Variants in ITPRIPL2 observed in about 807,000 individuals in gnomAD.
The protein encoded by ITPRIPL2 is ITPRIP like 2.
Under a neutral mutation model 31.7 loss-of-function variants are expected in ITPRIPL2, and 29 were observed. The observed-to-expected ratio is 0.91, with a 90% CI of 0.68 to 1.25. ITPRIPL2 has a LOEUF of 1.25. Ranked by LOEUF, ITPRIPL2 falls within the 50% of genes most tolerant of loss-of-function variation. The probability of loss-of-function intolerance (pLI) is 0.00; values close to 1 mark genes in which losing one functional copy is unlikely to be tolerated. For synonymous variants in ITPRIPL2, 344 were observed against 343.4 expected (o/e 1.00, Z -0.02); for missense variants, 696 against 739.1 (o/e 0.94, Z 0.68).
Position 19,114,422 on chromosome 16 carries a change from C to A in ITPRIPL2, c.-40C>A, listed in dbSNP as rs1172559366. 7 of 1,379,200 alleles carry A rather than the reference C, an allele frequency of 5.1e-6. No homozygotes were observed. The African/African-American group carries it at 9.1e-5, about 18-fold the overall frequency. The allele number at this position is 1,379,200 out of a possible 1,614,324, so 85.4% of individuals were successfully genotyped here. A position where few individuals can be genotyped will look rare whatever the true frequency, so the allele number is the denominator to read the frequency against. ...GGCTTGGGTCGCCGCCGGGGCTTGCCCCCTGGGCTGCTCGGCCACCGCCGC... is the reference window on the plus strand; with the variant it reads ...GGCTTGGGTCGCCGCCGGGGCTTGCACCCTGGGCTGCTCGGCCACCGCCGC... On this transcript the variant is annotated 5_prime_UTR_variant, in exon 1 of 1. Transcript: ENST00000381440.
At position 19,114,743 on chromosome 16, in the gene ITPRIPL2, G is replaced by A. The variant is rs771353508; in HGVS notation, c.282G>A (p.Glu94=). 1 of 1,612,782 alleles carries A rather than the reference G, an allele frequency of 6.2e-7. No individual in the cohort carries two copies. Among genetic ancestry groups the A allele is most frequent in the Non-Finnish European group, 8.5e-7 (1 of 1,179,900 alleles). ...CCTTCTCCTCGAGACACTTCCGAGA[G>A]CCGGGCCTCAGCATCCTGCTGGAGA... ...HAAFSSRHFR[E]PGLSILLESY... is the part of the protein sequence containing the mutation. Residue 94 remains glutamate, a synonymous_variant, in exon 1 of 1, where the codon GAG becomes GAA. Transcript: ENST00000381440.
At position 19,120,974 on chromosome 16, in the gene ITPRIPL2, A is replaced by G. The variant is rs1372267001; in HGVS notation, c.*4905A>G. ...GGAAGATGATTCAGTGGTGGGGAAA[A>G]TGAACCTCGGTAACATTTCCAATGT... On this transcript the variant is annotated 3_prime_UTR_variant, in exon 1 of 1. Coordinates refer to ENST00000381440, the MANE Select transcript of ITPRIPL2 (RefSeq NM_001034841.4). 4 of 166,886 alleles carry G rather than the reference A, an allele frequency of 2.4e-5. No individual in the cohort carries two copies. The highest frequency in any genetic ancestry group is 1.3e-4 in the Admixed American group (2 of 15,258). 10.3% of individuals were successfully genotyped at this position (166,886 alleles called of 1,614,324 possible).
rs1248708235 is a variant in ITPRIPL2 at position 19,120,625 on chromosome 16, A to ATATATTTTT, written c.*4557_*4558insATATTTTTT. On this transcript the variant is annotated 3_prime_UTR_variant, in exon 1 of 1. Transcript: ENST00000381440. ...CTAATATATATATATATATATATAT[A>ATATATTTTT]TTTTTTTTTTTTTTTTTTAGTAGAG... The ATATATTTTT allele has an allele frequency of 1.1e-5, 1 of 92,190 alleles. No homozygotes were observed. Among genetic ancestry groups the ATATATTTTT allele is most frequent in the African/African-American group, 5.0e-5 (1 of 20,008 alleles). The allele number at this position is 92,190 out of a possible 1,614,324, so 5.7% of individuals were successfully genotyped here. A position where few individuals can be genotyped will look rare whatever the true frequency, so the allele number is the denominator to read the frequency against.
rs146617530 is a variant in ITPRIPL2 at position 19,115,291 on chromosome 16, C to A, written c.830C>A (p.Thr277Asn). The change falls in exon 1 of 1, where the codon ACC becomes AAC. Residue 277 changes from threonine (T) to asparagine (N), a missense_variant. Coordinates refer to ENST00000381440, the MANE Select transcript of ITPRIPL2 (RefSeq NM_001034841.4). ...RYSLEGRCRV[T>N]LTPGGLEQPP... ...AGCCTGGAGGGGCGCTGTCGGGTCA[C>A]CTTGACCCCAGGTGGCCTGGAACAG... is the stretch of plus-strand genomic sequence containing the variant. 7 of 1,613,034 alleles carry A rather than the reference C, an allele frequency of 4.3e-6. No homozygotes were observed. The highest frequency in any genetic ancestry group is 5.9e-6 in the Non-Finnish European group (7 of 1,180,032).
rs1054112292 is a variant in ITPRIPL2, at chr16:19,120,214, T to C, written c.*4145T>C. The C allele has an allele frequency of 6.2e-6, 1 of 160,464 alleles. No individual in the cohort carries two copies. The highest frequency in any genetic ancestry group is 2.4e-5 in the African/African-American group (1 of 41,304). 9.9% of individuals were successfully genotyped at this position (160,464 alleles called of 1,614,324 possible). A position where few individuals can be genotyped will look rare whatever the true frequency, so the allele number is the denominator to read the frequency against. ...CTCCTGCCTCGGCCTCCCAACTAGCTGGGACCACAGGTATGTGCCACTACA... is the reference window on the plus strand; with the variant it reads ...CTCCTGCCTCGGCCTCCCAACTAGCCGGGACCACAGGTATGTGCCACTACA... On this transcript the variant is annotated 3_prime_UTR_variant, in exon 1 of 1. Coordinates refer to ENST00000381440, the MANE Select transcript of ITPRIPL2 (RefSeq NM_001034841.4).
rs776532432 is a variant in ITPRIPL2 at position 19,115,956 on chromosome 16, A to G, written c.1495A>G (p.Thr499Ala). Residue 499 changes from threonine to alanine, a missense_variant, in exon 1 of 1, where the codon ACG becomes GCG. Coordinates refer to ENST00000381440, the MANE Select transcript of ITPRIPL2 (RefSeq NM_001034841.4). ...ACTTGCAGCAGCGCGGTTGCTGTCC[A>G]CGTGGCAAAGGCTGCCCCAGCTTCT... ...RELAAARLLS[T>A]WQRLPQLLRA... The G allele has an allele frequency of 6.2e-7, 1 of 1,612,984 alleles. No homozygotes were observed. Among genetic ancestry groups the G allele is most frequent in the Non-Finnish European group, 8.5e-7 (1 of 1,179,866 alleles).
chr16:19,114,724 C>T lies in ITPRIPL2; in HGVS notation c.263C>T (p.Ser88Phe). 1 of 1,590,912 alleles carries T rather than the reference C, an allele frequency of 6.3e-7. No individual in the cohort carries two copies. Among genetic ancestry groups the T allele is most frequent in the African/African-American group, 1.3e-5 (1 of 74,932 alleles). ...CGTCTGGAGGGTCACGCCGCCTTCT[C>T]CTCGAGACACTTCCGAGAGCCGGGC... Reference protein sequence around the residue: ...SPRLEGHAAFSSRHFREPGLS... With the variant: ...SPRLEGHAAFFSRHFREPGLS... Residue 88 changes from serine (S) to phenylalanine (F), a missense_variant, in exon 1 of 1, where the codon TCC becomes TTC. By Grantham distance (155) the Ser-to-Phe change is radical. Coordinates refer to ENST00000381440, the MANE Select transcript of ITPRIPL2 (RefSeq NM_001034841.4).
chr16:19,117,685 GA>G lies in ITPRIPL2; in HGVS notation c.*1618del, dbSNP rs140657029. ...GAAGACAGAAATGCCTATGTGAATA[GA>G]ATCATTGTTGAAGTTCTGAGCTCTT... On this transcript the variant is annotated 3_prime_UTR_variant, in exon 1 of 1. Transcript: ENST00000381440. The G allele has an allele frequency of 5.0e-3, 831 of 167,152 alleles. 4 individuals are homozygous for G. The highest frequency in any genetic ancestry group is 5.1e-3 in the Non-Finnish European group (350 of 68,090). 10.4% of individuals were successfully genotyped at this position (167,152 alleles called of 1,614,324 possible).
At position 19,119,025 on chromosome 16, in the gene ITPRIPL2, T is replaced by A. The variant is rs1436531648; in HGVS notation, c.*2956T>A. On this transcript the variant is annotated 3_prime_UTR_variant, in exon 1 of 1. Coordinates refer to ENST00000381440, the MANE Select transcript of ITPRIPL2 (RefSeq NM_001034841.4). ...ACAACAGCAAAAAGAAAAAATTAGT[T>A]GTCCAGCCAGTGCTGGAGGAAAATG... The A allele has an allele frequency of 2.4e-6, 1 of 413,384 alleles. No homozygotes were observed. Among genetic ancestry groups the A allele is most frequent in the Non-Finnish European group, 4.4e-6 (1 of 226,152 alleles). The allele number at this position is 413,384 out of a possible 1,614,324, so 25.6% of individuals were successfully genotyped here.
Position 19,115,801 on chromosome 16 carries a change from G to T in ITPRIPL2, c.1340G>T (p.Arg447Leu). 6.2e-7 allele frequency: 1 copy of T among 1,612,956 alleles called. No homozygotes were observed. Among genetic ancestry groups the T allele is most frequent in the South Asian group, 1.1e-5 (1 of 91,076 alleles). Residue 447 changes from arginine (R) to leucine (L), a missense_variant, in exon 1 of 1, where the codon CGA (arginine) becomes CTA (leucine). Coordinates refer to ENST00000381440, the MANE Select transcript of ITPRIPL2 (RefSeq NM_001034841.4). ...LVQFLRDCLL[R>L]RHTLFHCVLG... Reference sequence around the variant, plus strand: ...CAGTTCCTTAGGGACTGCCTGCTGCGACGCCATACGCTCTTCCACTGCGTC... The same window carrying T: ...CAGTTCCTTAGGGACTGCCTGCTGCTACGCCATACGCTCTTCCACTGCGTC...
In ITPRIPL2 at chr16:19,120,139, T is replaced by G. The variant is rs1364406283; in HGVS notation, c.*4070T>G. The G allele has an allele frequency of 1.2e-5, 2 of 166,962 alleles. No individual in the cohort carries two copies. The highest frequency in any genetic ancestry group is 1.5e-5 in the Non-Finnish European group (1 of 68,174). 10.3% of individuals were successfully genotyped at this position (166,962 alleles called of 1,614,324 possible). A position where few individuals can be genotyped will look rare whatever the true frequency, so the allele number is the denominator to read the frequency against. ...GTCTGTTGCCCAGGCTGGAGTGCAG[T>G]GGCAAGATTGCAGCTCATTGCAGCC... On this transcript the variant is annotated 3_prime_UTR_variant, in exon 1 of 1. Coordinates refer to ENST00000381440, the MANE Select transcript of ITPRIPL2 (RefSeq NM_001034841.4).
rs1236981899 is a variant in ITPRIPL2, at chr16:19,116,990, A to G, written c.*921A>G. On this transcript the variant is annotated 3_prime_UTR_variant, in exon 1 of 1. Transcript: ENST00000381440. ...AAAGTAGCAACCAAATACATATTCA[A>G]GACAACACTGGTGAAGGCATAAAAC... is the stretch of plus-strand genomic sequence containing the variant. 7 of 167,166 alleles carry G rather than the reference A, an allele frequency of 4.2e-5. No homozygotes were observed. Among genetic ancestry groups the G allele is most frequent in the Admixed American group, 3.3e-4 (5 of 15,296 alleles). 10.4% of individuals were successfully genotyped at this position (167,166 alleles called of 1,614,324 possible).
Position 19,114,331 on chromosome 16 carries a change from T to C in ITPRIPL2, c.-131T>C. On this transcript the variant is annotated 5_prime_UTR_variant, in exon 1 of 1. Transcript: ENST00000381440. ...GAGGGCGGCCTCCCTCGGGCCTGCG[T>C]TCGGGAAGCCGCCGCGGAGGAGGAG... 1.6e-6 allele frequency: 1 copy of C among 639,278 alleles called. No homozygotes were observed. Among genetic ancestry groups the C allele is most frequent in the Non-Finnish European group, 2.2e-6 (1 of 446,808 alleles). The allele number at this position is 639,278 out of a possible 1,614,324, so 39.6% of individuals were successfully genotyped here. A position where few individuals can be genotyped will look rare whatever the true frequency, so the allele number is the denominator to read the frequency against.
rs1963479947 is a variant in ITPRIPL2, at chr16:19,119,069, C to CA, written c.*3001dup. On this transcript the variant is annotated 3_prime_UTR_variant, in exon 1 of 1. Coordinates refer to ENST00000381440, the MANE Select transcript of ITPRIPL2 (RefSeq NM_001034841.4). ...GAAAATGTTTCTGGGGAAGATGACTCAGTCATTTTGTGGCGAGACACCCTT... is the reference window on the plus strand; with the variant it reads ...GAAAATGTTTCTGGGGAAGATGACTCAAGTCATTTTGTGGCGAGACACCCTT... The CA allele has an allele frequency of 2.4e-6, 1 of 413,372 alleles. No homozygotes were observed. The highest frequency in any genetic ancestry group is 2.1e-5 in the African/African-American group (1 of 48,616). 25.6% of individuals were successfully genotyped at this position (413,372 alleles called of 1,614,324 possible).
rs2142433636 is a variant in ITPRIPL2 at position 19,114,107 on chromosome 16, C to G, written c.-355C>G. The G allele has an allele frequency of 2.5e-6, 1 of 396,182 alleles. No individual in the cohort carries two copies. Among genetic ancestry groups the G allele is most frequent in the South Asian group, 1.3e-4 (1 of 7,842 alleles). The allele number at this position is 396,182 out of a possible 1,614,324, so 24.5% of individuals were successfully genotyped here. Reference sequence around the variant, plus strand: ...GGCGCGGAGAGGAGCGGCGGGAGAGCCAGGAGGGCCGCCCAGGGTAGGAGG... The same window carrying G: ...GGCGCGGAGAGGAGCGGCGGGAGAGGCAGGAGGGCCGCCCAGGGTAGGAGG... On this transcript the variant is annotated 5_prime_UTR_variant, in exon 1 of 1. Transcript: ENST00000381440.
rs958620014 is a variant in ITPRIPL2, at chr16:19,121,071, T to G, written c.*5002T>G. ...AGTTTTTTTTTTTTTAAATCACTTG[T>G]TTAGATACAACTTTATTTTTTTATA... On this transcript the variant is annotated 3_prime_UTR_variant, in exon 1 of 1. Transcript: ENST00000381440. 6.0e-6 allele frequency: 1 copy of G among 166,750 alleles called. No individual in the cohort carries two copies. Among genetic ancestry groups the G allele is most frequent in the Non-Finnish European group, 1.5e-5 (1 of 68,092 alleles). The allele number at this position is 166,750 out of a possible 1,614,324, so 10.3% of individuals were successfully genotyped here.
chr16:19,116,530 A>C lies in ITPRIPL2; in HGVS notation c.*461A>C, dbSNP rs1963446813. The C allele has an allele frequency of 5.8e-6, 1 of 171,842 alleles. No individual in the cohort carries two copies. Among genetic ancestry groups the C allele is most frequent in the Non-Finnish European group, 1.4e-5 (1 of 71,586 alleles). The allele number at this position is 171,842 out of a possible 1,614,324, so 10.6% of individuals were successfully genotyped here. Reference sequence around the variant, plus strand: ...GGTACTGGGTTCCTGATTGTCTTTAAAAAGAAAAATCTGAATCTTTATTTG... The same window carrying C: ...GGTACTGGGTTCCTGATTGTCTTTACAAAGAAAAATCTGAATCTTTATTTG... On this transcript the variant is annotated 3_prime_UTR_variant, in exon 1 of 1. Transcript: ENST00000381440.
In ITPRIPL2 at chr16:19,115,863, C is replaced by T; in HGVS notation, c.1402C>T (p.Leu468=). 6.2e-7 allele frequency: 1 copy of T among 1,611,942 alleles called. No homozygotes were observed. Among genetic ancestry groups the T allele is most frequent in the Non-Finnish European group, 8.5e-7 (1 of 1,179,660 alleles). The part of the protein sequence containing the change: ...PGGAAAEVGP[L]PKALREAAPV... ...TGGGGCGGCTGCCGAGGTGGGTCCC[C>T]TGCCCAAGGCACTGAGGGAAGCCGC... is the stretch of plus-strand genomic sequence containing the variant. Residue 468 remains leucine, a synonymous_variant, in exon 1 of 1, where the codon CTG becomes TTG. Transcript: ENST00000381440.
In ITPRIPL2 at chr16:19,120,943, C is replaced by T. The variant is rs943741003; in HGVS notation, c.*4874C>T. ...GACTTTGACTTCTCATCCCTGTCTA[C>T]ATGGAGGAAGATGATTCAGTGGTGG... On this transcript the variant is annotated 3_prime_UTR_variant, in exon 1 of 1. Transcript: ENST00000381440. The T allele has an allele frequency of 6.0e-6, 1 of 166,828 alleles. No individual in the cohort carries two copies. Among genetic ancestry groups the T allele is most frequent in the Admixed American group, 6.6e-5 (1 of 15,246 alleles). The allele number at this position is 166,828 out of a possible 1,614,324, so 10.3% of individuals were successfully genotyped here.
Sources: gnomAD v4.1 joint callset for allele counts on GRCh38, gnomAD v4.1.1 for gene constraint, MANE v1.5 for transcripts, NCBI Gene and HGNC (gene_info 2026-07-23, HGNC 2026-07-21) for gene names.